The following PGPEP1L variants were observed in gnomAD, a reference collection of about 807,000 sequenced individuals.
PGPEP1L encodes pyroglutamyl-peptidase 1-like protein.
A neutral mutation model predicts 6.0 loss-of-function variants in PGPEP1L; 7 were observed. The ratio of observed to expected loss-of-function variants is 1.17; its 90% CI spans 0.66 to 2.19. The LOEUF is 2.19. PGPEP1L is among the 30% of genes most tolerant of loss of function. The pLI is 0.00. For missense variants in PGPEP1L, 209 were observed against 192.5 expected, an observed-to-expected ratio of 1.09 and a Z score of -0.51; for synonymous variants, 103 against 83.9, an observed-to-expected ratio of 1.23 and a Z score of -1.24.
intron 2 of PGPEP1L, among the ~76,000 whole-genome samples, chr15:98,991,512 C>T (rs934329282): frequency 2.0e-5 from 3 of 152,224 alleles, no homozygotes; most frequent in South Asian, 2.1e-4. Context: ...GATTCATGGC[C>T]GAATTCTACT....
chr15:98,994,652 T>C (rs151216508), intron 2 of PGPEP1L, among the ~76,000 whole-genome samples: 386 of 152,344 alleles, frequency 2.5e-3, no homozygotes, highest in African/African-American at 8.5e-3. Flanking sequence ...GTTTAGATTT[T>C]GCCTGCGGGC....
intron 2 of PGPEP1L, among the ~76,000 whole-genome samples, chr15:98,985,110 GA>G (rs2017728515): frequency 6.6e-6 from 1 of 152,186 alleles, no homozygotes; most frequent in African/African-American, 2.4e-5. Context: ...AGAGCTTGAG[GA>G]GGGGCAAATA....
chr15:99,006,550 C>T (rs1331732892), intron 1 of PGPEP1L, among the ~76,000 whole-genome samples: 8 of 152,232 alleles, frequency 5.3e-5, no homozygotes, highest in African/African-American at 1.7e-4. Flanking sequence ...AACTTTTGGC[C>T]AGGTGCACTG....
intron 4 of PGPEP1L, among the ~76,000 whole-genome samples, chr15:98,968,954 C>T (rs2017448112): frequency 6.9e-6 from 1 of 145,692 alleles, no homozygotes; most frequent in African/African-American, 2.5e-5. Context: ...ACCTGCATCC[C>T]AGTGAATCCC....
intron 2 of PGPEP1L, among the ~76,000 whole-genome samples, chr15:98,991,605 A>T (rs782033066): frequency 2.0e-5 from 3 of 152,200 alleles, no homozygotes; most frequent in Non-Finnish European, 2.9e-5. Context: ...TCATTTTAGG[A>T]GGCGAGCATC....
chr15:98,984,009 CTTTTTTTTTTTTT>C (rs71456904), intron 2 of PGPEP1L, among the ~76,000 whole-genome samples: 5 of 115,782 alleles, frequency 4.3e-5, no homozygotes, highest in African/African-American at 1.4e-4. Flanking sequence ...AGTAAGTAGT[CTTTTTTTTTTTTT>C]TTTTTTTTTT....
At chr15:98,971,194 TGGGGGGGGGGGG>T in intron 2 of PGPEP1L, 36 bp from the exon 3 acceptor site, 5 of 586,046 alleles carry the variant, frequency 8.5e-6, no homozygotes, top group Non-Finnish European at 1.2e-5. Flanking sequence ...CCTCAGTTGA[TGGGGGGGGGGGG>T]GGGGTGGGCA....
chr15:98,970,989 C>T (rs1187013411), intron 3 of PGPEP1L, 47 bp downstream of exon 3: 1 of 1,608,100 alleles, frequency 6.2e-7, no homozygotes, highest in Non-Finnish European at 8.5e-7. Context: ...GAGGCTCCAG[C>T]TCCACATCGC....
At chr15:98,995,321 G>A (rs1401207870) in intron 2 of PGPEP1L, among the ~76,000 whole-genome samples, 2 of 152,014 alleles carry the variant, frequency 1.3e-5, no homozygotes, top group Admixed American at 6.6e-5. Flanking sequence ...TTCTATATAT[G>A]CATATGCATG....
intron 1 of PGPEP1L, among the ~76,000 whole-genome samples, chr15:99,006,520 T>C (rs1314796871): frequency 6.6e-6 from 1 of 152,262 alleles, no homozygotes; most frequent in Admixed American, 6.5e-5. Flanking sequence ...TTTCGGAGAA[T>C]TCTATTTAAA....
chr15:98,994,672 C>T (rs1456301098), intron 2 of PGPEP1L, among the ~76,000 whole-genome samples: 1 of 152,194 alleles, frequency 6.6e-6, no homozygotes, highest in African/African-American at 2.4e-5. Flanking sequence ...CTCACTACCC[C>T]TCCTTGCATT....
chr15:98,982,837 A>G (rs1365029463), intron 2 of PGPEP1L, among the ~76,000 whole-genome samples: 1 of 149,166 alleles, frequency 6.7e-6, no homozygotes, highest in Non-Finnish European at 1.5e-5. Flanking sequence ...TAGCCTCCTG[A>G]GTAGCTGGGA....
At chr15:99,000,808 A>G (rs2017956350) in intron 2 of PGPEP1L, among the ~76,000 whole-genome samples, 1 of 151,256 alleles carries the variant, frequency 6.6e-6, no homozygotes, top group Non-Finnish European at 1.5e-5. Context: ...AGATAAGAGA[A>G]AAAAAAGCAG....
At chr15:98,970,333 C>T (rs1202639200) in intron 3 of PGPEP1L, among the ~76,000 whole-genome samples, 2 of 152,164 alleles carry the variant, frequency 1.3e-5, no homozygotes, top group African/African-American at 2.4e-5. Flanking sequence ...TGGGAGCCAC[C>T]GTGCCCGCCT....
chr15:98,973,437 C>T (rs1038127251), intron 2 of PGPEP1L, among the ~76,000 whole-genome samples: 1 of 152,202 alleles, frequency 6.6e-6, no homozygotes, highest in African/African-American at 2.4e-5. Flanking sequence ...ATGGATCATT[C>T]TCCAGAATAG....
chr15:98,972,872 C>CAAAAA lies in PGPEP1L; in HGVS notation c.-141-1719_-141-1715dup, dbSNP rs58126997. Among the ~76,000 whole-genome samples the CAAAAA allele has an allele frequency of 2.2e-3, 102 of 45,688 alleles. 7 individuals carry two copies. Among genetic ancestry groups the CAAAAA allele is most frequent in the East Asian group, 4.1e-3 (5 of 1,210 alleles). The allele number at this position is 45,688 out of a possible 152,430, so 30.0% of individuals were successfully genotyped here. A position where few individuals can be genotyped will look rare whatever the true frequency, so the allele number is the denominator to read the frequency against. On this transcript the variant is annotated intron_variant, in intron 2 of 4. Transcript: ENST00000535714. Reference sequence around the variant, plus strand: ...TGGGTGACAGAGTGAGACTCCGTCTCAAAAAAAAAAAAAAAAAAAAAAAAA... The same window carrying CAAAAA: ...TGGGTGACAGAGTGAGACTCCGTCTCAAAAAAAAAAAAAAAAAAAAAAAAAAAAAA...
intron 2 of PGPEP1L, among the ~76,000 whole-genome samples, chr15:98,983,929 G>A (rs1003725166): frequency 3.1e-4 from 47 of 150,926 alleles, no homozygotes; most frequent in Non-Finnish European, 5.9e-5. Flanking sequence ...ATGCTGCGGT[G>A]TAAAATTGAA....
intron 2 of PGPEP1L, among the ~76,000 whole-genome samples, chr15:99,003,851 T>C (rs1344171334): frequency 3.4e-5 from 5 of 147,446 alleles, no homozygotes; most frequent in African/African-American, 1.3e-4. Context: ...ATGACAAGCA[T>C]TGCATGCATT....
chr15:98,968,981 G>A (rs778878093), intron 4 of PGPEP1L, among the ~76,000 whole-genome samples: 4 of 152,134 alleles, frequency 2.6e-5, no homozygotes, highest in East Asian at 1.9e-4. Flanking sequence ...TCATGTCTTC[G>A]TTGAGTCACT....
Sources: gnomAD v4.1 joint callset for allele counts (sites outside exome capture counted in the v4.1 genomes callset) on GRCh38, gnomAD v4.1.1 for gene constraint, MANE v1.5 for transcripts, NCBI Gene and HGNC (gene_info 2026-07-23, HGNC 2026-07-21) for gene names.